The following LGR4 variants were observed in gnomAD, a reference collection of about 807,000 sequenced individuals.
The protein encoded by LGR4 is leucine-rich repeat-containing G protein-coupled receptor 4.
A neutral mutation model predicts 84.8 loss-of-function variants in LGR4; 44 were observed. The ratio of observed to expected loss-of-function variants is 0.52; its 90% confidence interval spans 0.41 to 0.67. LGR4 has a LOEUF of 0.67. Among genes scored for constraint, LGR4 ranks in the 30% least tolerant of loss-of-function variants. The probability of loss-of-function intolerance (pLI) is 0.00; values close to 1 mark genes in which losing one functional copy is unlikely to be tolerated. For missense variants in LGR4, 1,032 were observed against 1,131.4 expected, an observed-to-expected ratio of 0.91 and a Z score of 1.26; for synonymous variants, 429 against 434.3, an observed-to-expected ratio of 0.99 and a Z score of 0.15.
Position 27,472,140 on chromosome 11 carries a change from GC to G in LGR4, c.162del (p.Leu55SerfsTer12). On this transcript the variant is annotated frameshift_variant, in exon 1 of 18. Coordinates refer to ENST00000379214, the MANE Select transcript of LGR4 (RefSeq NM_018490.5). LOFTEE classifies it high-confidence loss of function. ...SGKGLTAVPE[G>X]LSAFTQALDI... Reference sequence around the variant, plus strand: ...CACAGCGCTTGGGTGAAGGCGCTGAGCCCCTCGGGCACGGCCGTCAGCCCCT... The same window carrying G: ...CACAGCGCTTGGGTGAAGGCGCTGAGCCCTCGGGCACGGCCGTCAGCCCCT... 1 of 1,295,356 alleles carries G rather than the reference GC, an allele frequency of 7.7e-7. No individual in the cohort carries two copies. The highest frequency in any genetic ancestry group is 1.5e-5 in the South Asian group (1 of 66,300). 80.2% of individuals were successfully genotyped at this position (1,295,356 alleles called of 1,614,324 possible).
intron 13 of LGR4, among the ~76,000 whole-genome samples, chr11:27,376,055 C>A (rs533319212): frequency 6.6e-6 from 1 of 151,448 alleles, no homozygotes; most frequent in South Asian, 2.1e-4. Context: ...CAGCTCACTG[C>A]AATCTCCACC....
intron 1 of LGR4, among the ~76,000 whole-genome samples, chr11:27,445,933 T>C (rs968153547): frequency 2.0e-5 from 3 of 152,140 alleles, no homozygotes; most frequent in Admixed American, 1.3e-4. Context: ...GGTATAAACT[T>C]TGGCTAAGCA....
At chr11:27,415,682 T>C (rs902333905) in intron 1 of LGR4, among the ~76,000 whole-genome samples, 1 of 152,176 alleles carries the variant, frequency 6.6e-6, no homozygotes, top group Non-Finnish European at 1.5e-5. Flanking sequence ...AGATGTTTTC[T>C]CTCATACTTT....
At chr11:27,469,956 C>T (rs1864842172) in intron 1 of LGR4, among the ~76,000 whole-genome samples, 1 of 152,100 alleles carries the variant, frequency 6.6e-6, no homozygotes, top group South Asian at 2.1e-4. Context: ...GAGCTAGTTT[C>T]CCCATGAGTA....
chr11:27,406,772 GA>G (rs1863618976), intron 2 of LGR4, among the ~76,000 whole-genome samples: 1 of 152,138 alleles, frequency 6.6e-6, no homozygotes, highest in Non-Finnish European at 1.5e-5. Flanking sequence ...TGCTTCCAAA[GA>G]AGTTAATATT....
chr11:27,375,192 G>A (rs1862951837), intron 13 of LGR4, among the ~76,000 whole-genome samples: 1 of 151,338 alleles, frequency 6.6e-6, no homozygotes, highest in Non-Finnish European at 1.5e-5. Flanking sequence ...CTATTCAGGA[G>A]GTTGAGGCAG....
At chr11:27,448,836 G>A (rs1158930175) in intron 1 of LGR4, among the ~76,000 whole-genome samples, 1 of 152,150 alleles carries the variant, frequency 6.6e-6, no homozygotes, top group East Asian at 1.9e-4. Flanking sequence ...CAAGCCCCCT[G>A]AGGACAGAAG....
At chr11:27,418,432 G>T (rs1459518602) in intron 1 of LGR4, among the ~76,000 whole-genome samples, 2 of 152,154 alleles carry the variant, frequency 1.3e-5, no homozygotes, top group Non-Finnish European at 2.9e-5. Context: ...TAATGTCTGT[G>T]TTCCATTTCT....
At position 27,369,152 on chromosome 11, in the gene LGR4, AAC is replaced by A. The variant is rs780741417; in HGVS notation, c.1580-11_1580-10del. The A allele has an allele frequency of 2.5e-6, 4 of 1,571,020 alleles. No homozygotes were observed. Among genetic ancestry groups the A allele is most frequent in the South Asian group, 1.2e-5 (1 of 84,262 alleles). On this transcript the variant is annotated splice_polypyrimidine_tract_variant and intron_variant, in intron 17 of 17. Transcript: ENST00000379214. ...ACAGGGCTTAAAAGCACCTAAAAAA[AAC>A]ACACACAGAGAGAGAGAAATAAAAG...
At chr11:27,405,503 G>A (rs1271644027) in intron 2 of LGR4, among the ~76,000 whole-genome samples, 1 of 151,876 alleles carries the variant, frequency 6.6e-6, no homozygotes, top group Non-Finnish European at 1.5e-5. Context: ...TATGCCCTTC[G>A]ATCTCTATCC....
chr11:27,456,155 A>C (rs547223700), intron 1 of LGR4, among the ~76,000 whole-genome samples: 1 of 152,334 alleles, frequency 6.6e-6, no homozygotes, highest in African/African-American at 2.4e-5. Context: ...ACTGTTTAGC[A>C]TGAGGCTGGC....
intron 1 of LGR4, among the ~76,000 whole-genome samples, chr11:27,444,654 G>T (rs1864357587): frequency 1.3e-5 from 2 of 152,294 alleles, no homozygotes; most frequent in African/African-American, 4.8e-5. Context: ...GGGTGGATAA[G>T]AATCAGAATG....
In LGR4 at chr11:27,464,839, G is replaced by A. The variant is rs190906319; in HGVS notation, c.185+7279C>T. Reference sequence around the variant, plus strand: ...AATACCAAAAGTACTTTGCTGCCAGGGTACAATGAGATTTTCACTCTTTCA... The same window carrying A: ...AATACCAAAAGTACTTTGCTGCCAGAGTACAATGAGATTTTCACTCTTTCA... On this transcript the variant is annotated intron_variant, in intron 1 of 17. Transcript: ENST00000379214. Among the ~76,000 whole-genome samples the A allele has an allele frequency of 2.4e-3, 360 of 151,878 alleles. 2 individuals carry two copies. The highest frequency in any genetic ancestry group is 8.2e-3 in the African/African-American group (338 of 41,412).
intron 17 of LGR4, 38 bp downstream of exon 17, chr11:27,371,577 T>A: frequency 7.1e-7 from 1 of 1,417,780 alleles, no homozygotes; most frequent in East Asian, 2.3e-5. Context: ...TAATGTTTGT[T>A]TAACATGGGT....
intron 1 of LGR4, among the ~76,000 whole-genome samples, chr11:27,454,476 T>C (rs925119313): frequency 2.6e-5 from 4 of 152,218 alleles, no homozygotes; most frequent in Non-Finnish European, 5.9e-5. Flanking sequence ...AATAAAATTA[T>C]TGGCCGGGCA....
intron 1 of LGR4, among the ~76,000 whole-genome samples, chr11:27,447,127 A>T (rs1017805257): frequency 3.3e-5 from 5 of 152,144 alleles, no homozygotes; most frequent in Admixed American, 3.3e-4. Flanking sequence ...TGGCACATGT[A>T]TACATATGTA....
At chr11:27,408,656 C>A (rs1317504433) in intron 2 of LGR4, among the ~76,000 whole-genome samples, 2 of 152,096 alleles carry the variant, frequency 1.3e-5, no homozygotes, top group Non-Finnish European at 2.9e-5. Flanking sequence ...CAGAGCCTGT[C>A]AACGCTAAGT....
intron 1 of LGR4, among the ~76,000 whole-genome samples, chr11:27,457,182 A>G (rs1205949689): frequency 6.6e-6 from 1 of 152,222 alleles, no homozygotes; most frequent in African/African-American, 2.4e-5. Context: ...GCCATGGACC[A>G]AGATGGTTAC....
At chr11:27,413,726 T>G (rs1863756418) in intron 1 of LGR4, among the ~76,000 whole-genome samples, 1 of 152,126 alleles carries the variant, frequency 6.6e-6, no homozygotes, top group African/African-American at 2.4e-5. Flanking sequence ...GAACCTGGCA[T>G]GAAACTTCAC....
Sources: gnomAD v4.1 joint callset for allele counts (sites outside exome capture counted in the v4.1 genomes callset) on GRCh38, gnomAD v4.1.1 for gene constraint, MANE v1.5 for transcripts, NCBI Gene and HGNC (gene_info 2026-07-23, HGNC 2026-07-21) for gene names.